Variants in PLXNB3 observed in about 807,000 individuals in gnomAD.
PLXNB3 encodes plexin-B3.
In PLXNB3, 80 loss-of-function variants were observed where a neutral mutation model predicts 125.7. The ratio of observed to expected loss-of-function variants is 0.64; its 90% CI spans 0.53 to 0.77. PLXNB3 has a LOEUF of 0.77. Ranked by LOEUF, PLXNB3 falls within the 30% of genes least tolerant of loss-of-function variation. PLXNB3 has a pLI of 0.00. For synonymous variants in PLXNB3, 954 were observed against 783.3 expected (o/e 1.22, Z -3.64); for missense variants, 1,836 against 1,729.3 (o/e 1.06, Z -1.09).
intron 15 of PLXNB3, 54 bp from the exon 16 acceptor site, chrX:153,772,128 G>GAGAAGGTGCGCTC (rs1557062200): frequency 1.6e-5 from 18 of 1,140,246 alleles, no homozygotes; most frequent in African/African-American, 3.6e-5. Context: ...GGGAGGGGTG[G>GAGAAGGTGCGCTC]GCTGTCCCCT....
intron 4 of PLXNB3, 102 bp from the exon 5 acceptor site, chrX:153,768,846 G>C: frequency 2.1e-6 from 2 of 972,217 alleles, no homozygotes; most frequent in South Asian, 2.3e-5. Flanking sequence ...GCAGGAAGGG[G>C]AACTGGCTCT....
In PLXNB3 at chrX:153,768,524, C is replaced by A. The variant is rs983426310; in HGVS notation, c.1266+96C>A. 7 of 849,753 alleles carry A rather than the reference C, an allele frequency of 8.2e-6. No individual in the cohort carries two copies. In the Admixed American group the frequency reaches 9.2e-5, roughly 11 times the overall value. 70.0% of individuals were successfully genotyped at this position (849,753 alleles called of 1,213,427 possible). A position where few individuals can be genotyped will look rare whatever the true frequency, so the allele number is the denominator to read the frequency against. On this transcript the variant is annotated intron_variant, in intron 4 of 35. Coordinates refer to ENST00000361971, the MANE Select transcript of PLXNB3 (RefSeq NM_005393.3). ...CTTCCACCTCTTAGCCCGCATCCCA[C>A]GGTTGGGTCAGGGGACTTTGCCACA... is the stretch of plus-strand genomic sequence containing the variant.
In PLXNB3 at chrX:153,773,995, G is replaced by A. The variant is rs1348296727; in HGVS notation, c.3416G>A (p.Gly1139Asp). ...GTGGACTTCGCCAGTGCCAGTGGGG[G>A]CCAGGGCTTCCTGTACCAGCCCAAC... ...VQVDFASASG[G>D]QGFLYQPNPR... Residue 1139 changes from glycine to aspartate, a missense_variant, in exon 20 of 36, where the codon GGC becomes GAC. Gly to Asp is a moderately conservative substitution (Grantham distance 94). Coordinates refer to ENST00000361971, the MANE Select transcript of PLXNB3 (RefSeq NM_005393.3). The A allele has an allele frequency of 4.1e-6, 5 of 1,207,795 alleles. No individual in the cohort carries two copies. Among genetic ancestry groups the A allele is most frequent in the African/African-American group, 3.5e-5 (2 of 57,515 alleles).
rs1557059385 is a variant in PLXNB3 at position 153,766,859 on chromosome X, G to A, written c.46-14G>A. On this transcript the variant is annotated splice_polypyrimidine_tract_variant and intron_variant, in intron 2 of 35. Transcript: ENST00000361971. ...CCTTGCGCTCCCACTGCCCTGACCTGTGCCCTCTCACAGGCCCCCGTGATG... is the reference window on the plus strand; with the variant it reads ...CCTTGCGCTCCCACTGCCCTGACCTATGCCCTCTCACAGGCCCCCGTGATG... 1.7e-6 allele frequency: 2 copies of A among 1,182,646 alleles called. No homozygotes were observed. Among genetic ancestry groups the A allele is most frequent in the East Asian group, 6.1e-5 (2 of 32,831 alleles).
chrX:153,770,055 T>C (rs2091909770), intron 7 of PLXNB3, 37 bp from the exon 8 acceptor site: 2 of 1,203,089 alleles, frequency 1.7e-6, no homozygotes, highest in Non-Finnish European at 2.2e-6. Context: ...CCCCTCTCTC[T>C]GGCTACATCT....
chrX:153,770,311 T>C, intron 8 of PLXNB3, 27 bp from the exon 9 acceptor site: 8 of 1,202,230 alleles, frequency 6.7e-6, no homozygotes, highest in Non-Finnish European at 9.0e-6. Flanking sequence ...CCACCTGACC[T>C]GTCCTGCCCC....
At position 153,771,246 on chromosome X, in the gene PLXNB3, G is replaced by A. The variant is rs782227310; in HGVS notation, c.2254-64G>A. ...CACATTCATTCTGGGGGGTGGCCCA[G>A]AGGAGACAAGAGTCAGAGGTGCCCT... On this transcript the variant is annotated intron_variant, in intron 12 of 35. Coordinates refer to ENST00000361971, the MANE Select transcript of PLXNB3 (RefSeq NM_005393.3). The A allele has an allele frequency of 9.8e-5, 97 of 989,903 alleles. No individual in the cohort carries two copies. The East Asian group carries it at 2.9e-3, about 30-fold the overall frequency. 81.6% of individuals were successfully genotyped at this position (989,903 alleles called of 1,213,427 possible).
rs1227447556 is a variant in PLXNB3, at chrX:153,768,839, G to A, written c.1267-109G>A. The A allele has an allele frequency of 3.4e-5, 32 of 929,295 alleles. No homozygotes were observed. In the African/African-American group the frequency reaches 5.7e-4, roughly 17 times the overall value. 76.6% of individuals were successfully genotyped at this position (929,295 alleles called of 1,213,427 possible). A position where few individuals can be genotyped will look rare whatever the true frequency, so the allele number is the denominator to read the frequency against. On this transcript the variant is annotated intron_variant, in intron 4 of 35. Coordinates refer to ENST00000361971, the MANE Select transcript of PLXNB3 (RefSeq NM_005393.3). The stretch of plus-strand genomic sequence containing the variant: ...TGTGTCCTCCCTCGATGGCCCGGCA[G>A]GAAGGGGAACTGGCTCTAAAAAGGA...
rs781961928 is a variant in PLXNB3 at position 153,778,186 on chromosome X, G to A, written c.5410-75G>A. 5.0e-6 allele frequency: 6 copies of A among 1,192,833 alleles called. No individual in the cohort carries two copies. In the African/African-American group the frequency reaches 8.8e-5, roughly 18 times the overall value. ...TAGAGGGCTGTGCACAGAGCTCTGG[G>A]TGGGCAGTGGCAGCATCATGGGGGC... is the stretch of plus-strand genomic sequence containing the variant. On this transcript the variant is annotated intron_variant, in intron 32 of 35. Coordinates refer to ENST00000361971, the MANE Select transcript of PLXNB3 (RefSeq NM_005393.3).
At chrX:153,771,128 C>T in intron 12 of PLXNB3, 47 bp downstream of exon 12, 5 of 1,085,751 alleles carry the variant, frequency 4.6e-6, no homozygotes, top group Non-Finnish European at 6.4e-6. Flanking sequence ...CTTCCGTAGA[C>T]CCTCAGGGGT....
At position 153,767,668 on chromosome X, in the gene PLXNB3, C is replaced by G. The variant is rs1557059812; in HGVS notation, c.841C>G (p.Leu281Val). The change falls in exon 3 of 36, where the codon CTC becomes GTC. Residue 281 changes from leucine to valine, a missense_variant. Physicochemically the swap from Leu to Val is conservative, Grantham distance 32 (BLOSUM62 1). Coordinates refer to ENST00000361971, the MANE Select transcript of PLXNB3 (RefSeq NM_005393.3). ...TNLYSYVEVP[L>V]ACQGQGLIQA... ...CCTGTACTCCTACGTGGAGGTCCCC[C>G]TCGCCTGCCAGGGCCAGGGCCTCAT... The G allele has an allele frequency of 5.0e-6, 6 of 1,191,222 alleles. No individual in the cohort carries two copies. Among genetic ancestry groups the G allele is most frequent in the Non-Finnish European group, 6.8e-6 (6 of 885,123 alleles).
rs781896492 is a variant in PLXNB3 at position 153,767,455 on chromosome X, G to T, written c.628G>T (p.Gly210Trp). ...ACCCCTGGCCATCCGCCAGCTGGCC[G>T]GGTCTCAGCCCTTCTCCAGCGAGGG... ...VPPLAIRQLAGSQPFSSEGLG... is the reference protein window; with the variant it reads ...VPPLAIRQLAWSQPFSSEGLG... Residue 210 changes from glycine to tryptophan, a missense_variant, in exon 3 of 36, where the codon GGG becomes TGG. Gly to Trp is a radical substitution (Grantham distance 184, BLOSUM62 -2). Coordinates refer to ENST00000361971, the MANE Select transcript of PLXNB3 (RefSeq NM_005393.3). The T allele has an allele frequency of 8.4e-7, 1 of 1,193,613 alleles. No homozygotes were observed.
Position 153,771,571 on chromosome X carries a change from T to C in PLXNB3, c.2433T>C (p.Ala811=), listed in dbSNP as rs782270022. ...ANRSLGCLWC[A]DGQPACRYGP... is the part of the protein sequence containing the mutation. ...GGAGCCTGGGCTGCCTGTGGTGTGC[T>C]GACGGCCAGCCTGCCTGTCGCTATG... Residue 811 remains alanine, a synonymous_variant, in exon 14 of 36, where the codon GCT becomes GCC. Coordinates refer to ENST00000361971, the MANE Select transcript of PLXNB3 (RefSeq NM_005393.3). 1.7e-6 allele frequency: 2 copies of C among 1,208,003 alleles called. No homozygotes were observed. The highest frequency in any genetic ancestry group is 1.7e-5 in the African/African-American group (1 of 57,556).
chrX:153,768,233 A>C lies in PLXNB3; in HGVS notation c.1087-16A>C. Reference sequence around the variant, plus strand: ...GCTCTCTTCCGGGGGCTGATTCTCCACTTCCTGCCACGTAGGATTCCCCCG... The same window carrying C: ...GCTCTCTTCCGGGGGCTGATTCTCCCCTTCCTGCCACGTAGGATTCCCCCG... On this transcript the variant is annotated splice_polypyrimidine_tract_variant and intron_variant, in intron 3 of 35. Coordinates refer to ENST00000361971, the MANE Select transcript of PLXNB3 (RefSeq NM_005393.3). 1 of 1,169,695 alleles carries C rather than the reference A, an allele frequency of 8.5e-7. No individual in the cohort carries two copies. Among genetic ancestry groups the C allele is most frequent in the Non-Finnish European group, 1.2e-6 (1 of 868,513 alleles).
intron 28 of PLXNB3, 25 bp from the exon 29 acceptor site, chrX:153,776,862 A>G (rs1280321103): frequency 3.7e-6 from 4 of 1,092,747 alleles, no homozygotes; most frequent in Middle Eastern, 2.9e-4. Flanking sequence ...GGGTCAGCAC[A>G]GCCTCCGCTC....
At chrX:153,764,729 C>G (rs1441246575) in intron 1 of PLXNB3, among the ~76,000 whole-genome samples, 4 of 112,629 alleles carry the variant, frequency 3.6e-5, no homozygotes, top group Non-Finnish European at 3.8e-5. Context: ...GCCAGGGTGG[C>G]CTGTGAGGGT....
chrX:153,778,280 T>G lies in PLXNB3; in HGVS notation c.5429T>G (p.Leu1810Arg), dbSNP rs782547073. The change falls in exon 33 of 36, where the codon CTG becomes CGG. Residue 1810 changes from leucine (L) to arginine (R), a missense_variant. Transcript: ENST00000361971. ...KVGRDSPVNK[L>R]LYAREIPRYK... Reference sequence around the variant, plus strand: ...GAGCAGGATTCCCCAGTGAACAAACTGCTCTACGCCCGGGAGATCCCACGC... The same window carrying G: ...GAGCAGGATTCCCCAGTGAACAAACGGCTCTACGCCCGGGAGATCCCACGC... 3 of 1,197,720 alleles carry G rather than the reference T, an allele frequency of 2.5e-6. No individual in the cohort carries two copies. The highest frequency in any genetic ancestry group is 2.3e-6 in the Non-Finnish European group (2 of 886,529).
At position 153,775,293 on chromosome X, in the gene PLXNB3, G is replaced by C; in HGVS notation, c.4224G>C (p.Leu1408=). The C allele has an allele frequency of 8.3e-7, 1 of 1,208,782 alleles. No homozygotes were observed. Among genetic ancestry groups the C allele is most frequent in the Non-Finnish European group, 1.1e-6 (1 of 894,263 alleles). The change falls in exon 25 of 36, where the codon CTG becomes CTC. Residue 1408 remains leucine, a synonymous_variant. Coordinates refer to ENST00000361971, the MANE Select transcript of PLXNB3 (RefSeq NM_005393.3). ...ATCGCTGCCATGTGGCTTCGCTGCT[G>C]TCGCTAGCGCTACACGGCAAGCTGG... is the stretch of plus-strand genomic sequence containing the variant. The part of the protein sequence containing the change: ...QRDRCHVASL[L]SLALHGKLEY...
chrX:153,773,034 T>C lies in PLXNB3; in HGVS notation c.2906+18T>C, dbSNP rs781992745. On this transcript the variant is annotated intron_variant, in intron 17 of 35. Coordinates refer to ENST00000361971, the MANE Select transcript of PLXNB3 (RefSeq NM_005393.3). ...TGTCCCATGTGAGTCCCGGCCTGGCTGCCGTCGGGTGGTGGGCACTCCCAT... is the reference window on the plus strand; with the variant it reads ...TGTCCCATGTGAGTCCCGGCCTGGCCGCCGTCGGGTGGTGGGCACTCCCAT... 1 of 1,153,706 alleles carries C rather than the reference T, an allele frequency of 8.7e-7. No homozygotes were observed. The highest frequency in any genetic ancestry group is 1.1e-6 in the Non-Finnish European group (1 of 870,054).
Sources: gnomAD v4.1 joint callset for allele counts (sites outside exome capture counted in the v4.1 genomes callset) on GRCh38, gnomAD v4.1.1 for gene constraint, MANE v1.5 for transcripts, NCBI Gene and HGNC (gene_info 2026-07-23, HGNC 2026-07-21) for gene names.